The following SLC8A1 variants were observed in gnomAD, a reference collection of about 807,000 sequenced individuals.
The protein encoded by SLC8A1 is solute carrier family 8 member A1.
Under a neutral mutation model 68.3 loss-of-function variants are expected in SLC8A1, and 18 were observed. The ratio of observed to expected loss-of-function variants is 0.26; its 90% confidence interval spans 0.18 to 0.39. The LOEUF is 0.39. Among genes scored for constraint, SLC8A1 ranks in the 10% least tolerant of loss-of-function variants. The pLI is 1.00. For missense variants in SLC8A1, 985 were observed against 1,156.7 expected (o/e 0.85, Z 2.15); for synonymous variants, 475 against 415.5 (o/e 1.14, Z -1.74).
intron 3 of SLC8A1, 97 bp from the exon 4 acceptor site, chr2:40,175,378 G>T: frequency 8.1e-7 from 1 of 1,233,330 alleles, no homozygotes; most frequent in South Asian, 1.3e-5. Flanking sequence ...AGGCAGATCT[G>T]ATTACAGTGG....
At chr2:40,299,232 C>G (rs955346551) in intron 2 of SLC8A1, among the ~76,000 whole-genome samples, 2 of 152,168 alleles carry the variant, frequency 1.3e-5, no homozygotes, top group African/African-American at 4.8e-5. Context: ...CCATTTGTTT[C>G]TACATCTCCT....
At chr2:40,160,649 C>G in intron 6 of SLC8A1, 116 bp downstream of exon 9, 1 of 817,184 alleles carries the variant, frequency 1.2e-6, no homozygotes. Flanking sequence ...TTATTTCTCC[C>G]TTAATTTTGC....
intron 6 of SLC8A1, among the ~76,000 whole-genome samples, chr2:40,151,268 C>CGCGT (rs1553363682): frequency 4.3e-4 from 65 of 151,006 alleles, no homozygotes; most frequent in African/African-American, 1.3e-3. Context: ...GTGTATGGTG[C>CGCGT]GTGTGTGTGT....
chr2:40,437,827 A>G (rs1699726470), intron 1 of SLC8A1, among the ~76,000 whole-genome samples: 2 of 152,124 alleles, frequency 1.3e-5, no homozygotes, highest in African/African-American at 2.4e-5. Context: ...AGCCACTCAT[A>G]TATGCCAGAC....
chr2:40,375,318 T>A (rs936640497), intron 2 of SLC8A1, among the ~76,000 whole-genome samples: 1 of 152,128 alleles, frequency 6.6e-6, no homozygotes, highest in Non-Finnish European at 1.5e-5. Flanking sequence ...GTAATATTTA[T>A]CTTCCTGTTG....
chr2:40,401,697 A>C (rs1688806886), intron 2 of SLC8A1, among the ~76,000 whole-genome samples: 1 of 151,208 alleles, frequency 6.6e-6, no homozygotes, highest in Non-Finnish European at 1.5e-5. Context: ...GATTCTATTT[A>C]CATTTAGTGT....
intron 2 of SLC8A1, among the ~76,000 whole-genome samples, chr2:40,351,678 A>C (rs1671146901): frequency 6.6e-6 from 1 of 152,210 alleles, no homozygotes; most frequent in African/African-American, 2.4e-5. Flanking sequence ...CATGCACTAA[A>C]ATCTGCCCCT....
At chr2:40,497,648 T>C (rs965995397) in intron 1 of SLC8A1, among the ~76,000 whole-genome samples, 7 of 152,020 alleles carry the variant, frequency 4.6e-5, no homozygotes, top group Non-Finnish European at 8.8e-5. Flanking sequence ...CCACTCTGAC[T>C]AGTTCAGTGA....
At chr2:40,475,612 G>GTACATA (rs1364350357) in intron 1 of SLC8A1, among the ~76,000 whole-genome samples, 1 of 151,698 alleles carries the variant, frequency 6.6e-6, no homozygotes, top group Admixed American at 6.6e-5. Context: ...ATATGTACAT[G>GTACATA]TACATATACA....
intron 2 of SLC8A1, among the ~76,000 whole-genome samples, chr2:40,312,312 A>C (rs1377710503): frequency 6.6e-6 from 1 of 152,146 alleles, no homozygotes; most frequent in Non-Finnish European, 1.5e-5. Flanking sequence ...TTTTCCAATA[A>C]AACAAACTAC....
intron 2 of SLC8A1, among the ~76,000 whole-genome samples, chr2:40,189,137 A>G (rs1430746335): frequency 6.6e-6 from 1 of 152,150 alleles, no homozygotes; most frequent in Non-Finnish European, 1.5e-5. Flanking sequence ...TTTTCCTGAT[A>G]ACCTGGATAA....
chr2:40,208,269 C>A (rs1306592470), intron 2 of SLC8A1: 1 of 152,110 alleles, frequency 6.6e-6, no homozygotes, highest in Non-Finnish European at 1.5e-5. Flanking sequence ...TTTCCATAGT[C>A]AAGGTTCCAA....
intron 2 of SLC8A1, among the ~76,000 whole-genome samples, chr2:40,335,369 T>G (rs1559291421): frequency 6.6e-6 from 1 of 152,204 alleles, no homozygotes; most frequent in African/African-American, 2.4e-5. Flanking sequence ...TTGATGTATT[T>G]CAAATTCAGA....
chr2:40,405,060 T>A (rs973139733), intron 2 of SLC8A1, among the ~76,000 whole-genome samples: 2 of 152,152 alleles, frequency 1.3e-5, no homozygotes, highest in African/African-American at 2.4e-5. Context: ...CCCAGCCCCA[T>A]AGGATGTAAT....
intron 1 of SLC8A1, among the ~76,000 whole-genome samples, chr2:40,433,133 G>T (rs1430628110): frequency 6.6e-6 from 1 of 152,056 alleles, no homozygotes; most frequent in African/African-American, 2.4e-5. Flanking sequence ...CAGCCAAAAT[G>T]AAATTCCTAA....
At chr2:40,179,600 A>G (rs1456276644) in intron 2 of SLC8A1, among the ~76,000 whole-genome samples, 1 of 152,240 alleles carries the variant, frequency 6.6e-6, no homozygotes, top group Non-Finnish European at 1.5e-5. Context: ...TTGGCCAAGT[A>G]CAATTCTGAT....
intron 2 of SLC8A1, among the ~76,000 whole-genome samples, chr2:40,294,389 A>G (rs2069927317): frequency 6.6e-6 from 1 of 152,180 alleles, no homozygotes; most frequent in Admixed American, 6.6e-5. Flanking sequence ...CTTTAAAGAT[A>G]AGGTAAAGTA....
At chr2:40,135,414 A>G (rs998917184) in intron 7 of SLC8A1, among the ~76,000 whole-genome samples, 1 of 152,130 alleles carries the variant, frequency 6.6e-6, no homozygotes, top group Non-Finnish European at 1.5e-5. Flanking sequence ...GACACACTTT[A>G]TAGGAAAGGT....
chr2:40,153,960 T>C (rs569683600), intron 6 of SLC8A1, among the ~76,000 whole-genome samples: 1 of 152,346 alleles, frequency 6.6e-6, no homozygotes, highest in African/African-American at 2.4e-5. Flanking sequence ...TCATCCCTTT[T>C]GTCCTGAATT....
Sources: allele counts gnomAD v4.1 joint callset (sites outside exome capture counted in the v4.1 genomes callset), GRCh38; gene constraint gnomAD v4.1.1; transcripts MANE v1.5; gene names NCBI Gene and HGNC (gene_info 2026-07-23, HGNC 2026-07-21).